The following CLDN10 variants were observed in gnomAD, a reference collection of about 807,000 sequenced individuals.
CLDN10 encodes the protein claudin 10, also known as claudin-10.
In CLDN10, 15 loss-of-function variants were observed where a neutral mutation model predicts 22.9. The ratio of observed to expected loss-of-function variants is 0.65; its 90% confidence interval spans 0.44 to 1.01. The LOEUF is 1.01. Among genes scored for constraint, CLDN10 ranks in the 50% least tolerant of loss-of-function variants. CLDN10 has a pLI of 0.00. For synonymous variants in CLDN10, 114 were observed against 111.4 expected (o/e 1.02, Z -0.15); for missense variants, 247 against 287.8 (o/e 0.86, Z 1.03).
intron 3 of CLDN10, among the ~76,000 whole-genome samples, chr13:95,574,017 A>G (rs1594623864): frequency 6.6e-6 from 1 of 152,260 alleles, no homozygotes; most frequent in East Asian, 1.9e-4. Context: ...AATGTTTTCC[A>G]GCTTCATCCA....
chr13:95,571,678 T>C (rs1455244982), intron 3 of CLDN10, among the ~76,000 whole-genome samples: 1 of 152,194 alleles, frequency 6.6e-6, no homozygotes, highest in Non-Finnish European at 1.5e-5. Flanking sequence ...TATATAAAAA[T>C]AAAATCAATT....
chr13:95,450,575 G>A (rs1279340694), intron 1 of CLDN10, among the ~76,000 whole-genome samples: 1 of 152,056 alleles, frequency 6.6e-6, no homozygotes, highest in South Asian at 2.1e-4. Context: ...CTCACAGTCC[G>A]CTCTGATTTT....
intron 3 of CLDN10, among the ~76,000 whole-genome samples, chr13:95,568,216 CAGAT>C (rs2138672933): frequency 6.6e-6 from 1 of 152,258 alleles, no homozygotes; most frequent in African/African-American, 2.4e-5. Flanking sequence ...CACATATTCT[CAGAT>C]AGGAGATTCC....
intron 1 of CLDN10, among the ~76,000 whole-genome samples, chr13:95,466,427 C>T (rs183348317): frequency 2.8e-4 from 43 of 152,188 alleles, no homozygotes; most frequent in Admixed American, 1.4e-3. Flanking sequence ...TAAAGTGAGG[C>T]TGCCTGGCTT....
intron 1 of CLDN10, among the ~76,000 whole-genome samples, chr13:95,455,855 C>T (rs1013158727): frequency 1.1e-4 from 17 of 152,140 alleles, no homozygotes; most frequent in Admixed American, 6.5e-5. Context: ...TGAAATGTTC[C>T]GGATGTTTTG....
chr13:95,508,043 G>A (rs2043057181), intron 1 of CLDN10, among the ~76,000 whole-genome samples: 2 of 152,022 alleles, frequency 1.3e-5, no homozygotes, highest in Non-Finnish European at 2.9e-5. Context: ...AGCCATGATT[G>A]TACCACTGCA....
intron 1 of CLDN10, among the ~76,000 whole-genome samples, chr13:95,493,379 T>A (rs1026846929): frequency 6.6e-6 from 1 of 152,064 alleles, no homozygotes; most frequent in Non-Finnish European, 1.5e-5. Flanking sequence ...GACATCCGCA[T>A]TGTTATGCAA....
chr13:95,532,156 T>G (rs572325204), intron 1 of CLDN10, among the ~76,000 whole-genome samples: 1 of 152,070 alleles, frequency 6.6e-6, no homozygotes, highest in Non-Finnish European at 1.5e-5. Flanking sequence ...AGAAAAAAAT[T>G]TATATACATT....
At chr13:95,530,352 C>T (rs2043327751) in intron 1 of CLDN10, among the ~76,000 whole-genome samples, 1 of 152,184 alleles carries the variant, frequency 6.6e-6, no homozygotes, top group Non-Finnish European at 1.5e-5. Context: ...TTGTGAGTGG[C>T]ATGAGACGAA....
chr13:95,549,775 G>T (rs1241438088), upstream of CLDN10, among the ~76,000 whole-genome samples: 3 of 152,158 alleles, frequency 2.0e-5, no homozygotes, highest in Non-Finnish European at 4.4e-5. Flanking sequence ...AAGTCCACAG[G>T]CATGACGACC....
At chr13:95,535,808 C>T (rs573369169) in intron 1 of CLDN10, among the ~76,000 whole-genome samples, 3 of 151,834 alleles carry the variant, frequency 2.0e-5, no homozygotes, top group African/African-American at 7.2e-5. Context: ...GACATGGAGA[C>T]GAATCGTGGA....
intron 1 of CLDN10, among the ~76,000 whole-genome samples, chr13:95,538,245 C>A (rs1165290289): frequency 7.4e-6 from 1 of 135,196 alleles, no homozygotes; most frequent in Non-Finnish European, 1.5e-5. Flanking sequence ...AGGCGATTCT[C>A]CTGCCTCAGC....
chr13:95,561,948 G>T (rs2043719312), intron 3 of CLDN10, among the ~76,000 whole-genome samples: 1 of 146,838 alleles, frequency 6.8e-6, no homozygotes, highest in East Asian at 2.0e-4. Context: ...TTTTTTTTGA[G>T]ATGGAGTTTT....
In CLDN10 at chr13:95,560,133, T is replaced by G; in HGVS notation, c.222T>G (p.Gly74=). 6.2e-7 allele frequency: 1 copy of G among 1,611,036 alleles called. No individual in the cohort carries two copies. The highest frequency in any genetic ancestry group is 8.5e-7 in the Non-Finnish European group (1 of 1,178,050). ...KDFPSMLALD[G]YIQACRGLMI... ...GTAAATGACCTACTCTAATTGCAGG[T>G]TATATACAGGCATGTAGAGGACTTA... is the stretch of plus-strand genomic sequence containing the variant. The change falls in exon 2 of 5, where the codon GGT becomes GGG. Residue 74 remains glycine, a splice_region_variant and synonymous_variant. Coordinates refer to ENST00000299339, the MANE Select transcript of CLDN10 (RefSeq NM_006984.5).
intron 1 of CLDN10, among the ~76,000 whole-genome samples, chr13:95,438,416 T>A (rs918987140): frequency 6.6e-6 from 1 of 152,210 alleles, no homozygotes; most frequent in Non-Finnish European, 1.5e-5. Flanking sequence ...AGGCCTTTTT[T>A]TCCCCCTTAT....
intron 1 of CLDN10, among the ~76,000 whole-genome samples, chr13:95,537,470 A>T (rs1486571709): frequency 6.6e-6 from 1 of 152,136 alleles, no homozygotes; most frequent in African/African-American, 2.4e-5. Context: ...ACGTTTTCTG[A>T]TGGGGATGAT....
chr13:95,471,440 C>CACACACACACACATATATAT (rs746573300), intron 1 of CLDN10, among the ~76,000 whole-genome samples: 47 of 104,334 alleles, frequency 4.5e-4, no homozygotes, highest in South Asian at 1.5e-3. Flanking sequence ...CACACACACA[C>CACACACACACACATATATAT]ATATATATAT....
chr13:95,440,462 G>C (rs917580579), intron 1 of CLDN10, among the ~76,000 whole-genome samples: 4 of 152,174 alleles, frequency 2.6e-5, no homozygotes, highest in African/African-American at 9.7e-5. Flanking sequence ...GGTCACTTGA[G>C]CCAAGGAGTT....
At chr13:95,509,434 C>T (rs1235685131) in intron 1 of CLDN10, among the ~76,000 whole-genome samples, 5 of 152,114 alleles carry the variant, frequency 3.3e-5, no homozygotes, top group Admixed American at 6.5e-5. Context: ...GAAAATTGAG[C>T]ATAATGAGAT....
Sources: gnomAD v4.1 joint callset for allele counts (sites outside exome capture counted in the v4.1 genomes callset) on GRCh38, gnomAD v4.1.1 for gene constraint, MANE v1.5 for transcripts, NCBI Gene and HGNC (gene_info 2026-07-23, HGNC 2026-07-21) for gene names.